Variants in DNAH12 observed in about 807,000 individuals in gnomAD.
DNAH12 encodes the protein dynein axonemal heavy chain 12.
DNAH12 carries 285 observed loss-of-function variants against 371.5 expected under a neutral mutation model. The observed-to-expected ratio is 0.77, with a 90% CI of 0.70 to 0.85. DNAH12 has a LOEUF of 0.85. Ranked by LOEUF, DNAH12 falls within the 40% of genes least tolerant of loss-of-function variation. DNAH12 has a pLI of 0.00. For missense variants in DNAH12, 3,611 were observed against 3,689.4 expected, an observed-to-expected ratio of 0.98 and a Z score of 0.55; for synonymous variants, 1,200 against 1,213.0, an observed-to-expected ratio of 0.99 and a Z score of 0.22.
chr3:57,443,653 T>A (rs1200784438), intron 29 of DNAH12, among the ~76,000 whole-genome samples: 1 of 152,094 alleles, frequency 6.6e-6, no homozygotes, highest in Non-Finnish European at 1.5e-5. Context: ...CTAATTAACA[T>A]ATCCATCACT....
At chr3:57,503,164 G>A (rs150246683) in intron 9 of DNAH12, among the ~76,000 whole-genome samples, 19 of 152,294 alleles carry the variant, frequency 1.2e-4, no homozygotes, top group Non-Finnish European at 2.1e-4. Flanking sequence ...GAGGCAAGAA[G>A]ATCACTTGAG....
At position 57,433,815 on chromosome 3, in the gene DNAH12, C is replaced by G; in HGVS notation, c.4669G>C (p.Gly1557Arg). The G allele has an allele frequency of 6.5e-7, 1 of 1,538,500 alleles. No homozygotes were observed. Among genetic ancestry groups the G allele is most frequent in the Non-Finnish European group, 8.7e-7 (1 of 1,143,380 alleles). ...TTTGTCTTAGCAGCAAAAGGCTCTC[C>G]TACTAACATAAAACTATGAAGGAAA... ...MIVRHGFMLV[G>R]EPFAAKTKVL... The change falls in exon 31 of 74, where the codon GGA becomes CGA. Residue 1557 changes from glycine to arginine, a missense_variant. Coordinates refer to ENST00000495027, the MANE Select transcript of DNAH12 (RefSeq NM_001366028.2).
intron 60 of DNAH12, among the ~76,000 whole-genome samples, chr3:57,337,953 C>T (rs540999277): frequency 1.4e-4 from 21 of 152,262 alleles, no homozygotes; most frequent in African/African-American, 4.3e-4. Context: ...AACATTCTCC[C>T]GGATTGGCCA....
At chr3:57,450,263 A>AAAAAAAAAAAAGG (rs1559675139) in intron 25 of DNAH12, among the ~76,000 whole-genome samples, 10 of 148,754 alleles carry the variant, frequency 6.7e-5, no homozygotes, top group East Asian at 2.0e-4. Flanking sequence ...AAAAAAAAAA[A>AAAAAAAAAAAAGG]GGTGGCCCAG....
chr3:57,525,709 T>G (rs1247478177), intron 2 of DNAH12, among the ~76,000 whole-genome samples: 1 of 151,874 alleles, frequency 6.6e-6, no homozygotes, highest in African/African-American at 2.4e-5. Context: ...AATTAAATTA[T>G]TTTTATTATA....
chr3:57,464,549 C>G (rs1006763220), intron 17 of DNAH12, among the ~76,000 whole-genome samples: 10 of 151,954 alleles, frequency 6.6e-5, no homozygotes, highest in African/African-American at 2.4e-4. Flanking sequence ...ACAAGCCAGA[C>G]AAAAAACACT....
the DNAH12 span, among the ~76,000 whole-genome samples, chr3:57,550,317 A>AAAAACAAAACAAAAC: frequency 6.6e-6 from 1 of 152,142 alleles, no homozygotes; most frequent in Non-Finnish European, 1.5e-5. Context: ...CCCTGCTTTT[A>AAAAACAAAACAAAAC]AAAACAAAAC....
intron 69 of DNAH12, among the ~76,000 whole-genome samples, chr3:57,305,703 T>A (rs1358744825): frequency 6.6e-6 from 1 of 152,166 alleles, no homozygotes; most frequent in Non-Finnish European, 1.5e-5. Flanking sequence ...TTATTCTCAA[T>A]ATACATTTTA....
intron 25 of DNAH12, among the ~76,000 whole-genome samples, chr3:57,448,553 G>A (rs1296168781): frequency 1.3e-5 from 2 of 152,140 alleles, no homozygotes; most frequent in South Asian, 2.1e-4. Context: ...GTGAGCAGTA[G>A]CAAGATTTAT....
chr3:57,361,432 T>TACAC lies in DNAH12; in HGVS notation c.9360+2158_9360+2161dup, dbSNP rs1162520302. On this transcript the variant is annotated intron_variant, in intron 58 of 73. Transcript: ENST00000495027. ...TATATACACACACACTATATATATA[T>TACAC]ACACACACACACTATATATATATAT... Among the ~76,000 whole-genome samples, 305 of 126,184 alleles carry TACAC rather than the reference T, an allele frequency of 2.4e-3. 7 individuals are homozygous for TACAC. Among genetic ancestry groups the TACAC allele is most frequent in the African/African-American group, 9.5e-3 (271 of 28,508 alleles). 82.8% of individuals were successfully genotyped at this position (126,184 alleles called of 152,430 possible).
chr3:57,474,495 C>T (rs1265546416), intron 13 of DNAH12, among the ~76,000 whole-genome samples: 2 of 152,062 alleles, frequency 1.3e-5, no homozygotes, highest in East Asian at 1.9e-4. Flanking sequence ...GGGATTTCAC[C>T]ATGTTGGTCA....
rs528729437 is a variant in DNAH12 at position 57,412,713 on chromosome 3, G to A, written c.6020+1033C>T. Among the ~76,000 whole-genome samples, 56 of 152,232 alleles carry A rather than the reference G, an allele frequency of 3.7e-4. No individual in the cohort carries two copies. In the South Asian group the frequency reaches 0.011, roughly 31 times the overall value. On this transcript the variant is annotated intron_variant, in intron 39 of 73. Coordinates refer to ENST00000495027, the MANE Select transcript of DNAH12 (RefSeq NM_001366028.2). ...ATGCTTCTTACCGTATGTCATCAGG[G>A]AAATGCAAATTAAAACAATGAAATA...
intron 49 of DNAH12, among the ~76,000 whole-genome samples, chr3:57,382,873 C>A (rs1428332093): frequency 6.6e-6 from 1 of 152,188 alleles, no homozygotes; most frequent in African/African-American, 2.4e-5. Flanking sequence ...CACTTACCCA[C>A]TCCAATATAT....
chr3:57,375,360 A>G lies in DNAH12; in HGVS notation c.8759+11T>C, dbSNP rs1378918210. 2 of 152,240 alleles carry G rather than the reference A, an allele frequency of 1.3e-5. No individual in the cohort carries two copies. Among genetic ancestry groups the G allele is most frequent in the South Asian group, 2.1e-4 (1 of 4,830 alleles). The allele number at this position is 152,240 out of a possible 1,614,324, so 9.4% of individuals were successfully genotyped here. A position where few individuals can be genotyped will look rare whatever the true frequency, so the allele number is the denominator to read the frequency against. Reference sequence around the variant, plus strand: ...GAACAACAGAAAAAACAAATAGTTTATATTTCTTACCAACGCCTACAGTTG... The same window carrying G: ...GAACAACAGAAAAAACAAATAGTTTGTATTTCTTACCAACGCCTACAGTTG... On this transcript the variant is annotated intron_variant, in intron 55 of 73. Transcript: ENST00000495027.
At chr3:57,493,813 A>G (rs2067217209) in intron 11 of DNAH12, 1 of 151,930 alleles carries the variant, frequency 6.6e-6, no homozygotes, top group South Asian at 2.1e-4. Flanking sequence ...AACGAAACCC[A>G]ACACTCTTTC....
chr3:57,482,241 C>A (rs1159269467), intron 13 of DNAH12, among the ~76,000 whole-genome samples: 5 of 152,012 alleles, frequency 3.3e-5, no homozygotes, highest in Non-Finnish European at 5.9e-5. Context: ...AACAAACAAC[C>A]CCATCAAAAA....
At chr3:57,359,576 A>G (rs1196106174) in intron 58 of DNAH12, among the ~76,000 whole-genome samples, 2 of 150,988 alleles carry the variant, frequency 1.3e-5, no homozygotes, top group Admixed American at 1.3e-4. Context: ...AAAAAAAAAA[A>G]AAAAGAAAGA....
intron 62 of DNAH12, among the ~76,000 whole-genome samples, chr3:57,327,981 G>A (rs1221536999): frequency 3.3e-5 from 5 of 151,538 alleles, no homozygotes; most frequent in Non-Finnish European, 5.9e-5. Flanking sequence ...TAAATTCCTC[G>A]ACACATACAC....
rs2062987924 is a variant in DNAH12, at chr3:57,363,694, G to A, written c.9260C>T (p.Thr3087Ile). 6.6e-6 allele frequency: 1 copy of A among 152,054 alleles called. No homozygotes were observed. Among genetic ancestry groups the A allele is most frequent in the Non-Finnish European group, 1.5e-5 (1 of 67,984 alleles). 9.4% of individuals were successfully genotyped at this position (152,054 alleles called of 1,614,324 possible). Residue 3087 changes from threonine (T) to isoleucine (I), a missense_variant, in exon 58 of 74, where the codon ACA becomes ATA. By Grantham distance (89) the Thr-to-Ile change is moderately conservative. This residue lies in a region of DNAH12 where 2,266 missense variants were observed against 2,236.9 expected (regional missense o/e 1.01). Transcript: ENST00000495027. Reference protein sequence around the residue: ...LKDIEKKILETLSSSEGNILE... With the variant: ...LKDIEKKILEILSSSEGNILE... ...AATGTTTCCTTCTGATGATGATAAT[G>A]TTTCTAAAATTTTTTTCTCTATGTC...
Sources: allele counts gnomAD v4.1 joint callset (sites outside exome capture counted in the v4.1 genomes callset), GRCh38; gene constraint gnomAD v4.1.1; regional missense constraint gnomAD v4.1.1; transcripts MANE v1.5; gene names NCBI Gene and HGNC (gene_info 2026-07-23, HGNC 2026-07-21).